AGFG1: variants seen among roughly 807,000 people sequenced by gnomAD.
AGFG1 encodes the protein arf-GAP domain and FG repeat-containing protein 1.
Under a neutral mutation model 60.6 loss-of-function variants are expected in AGFG1, and 10 were observed. The ratio of observed to expected loss-of-function variants is 0.16; its 90% CI spans 0.10 to 0.28. The LOEUF is 0.28. AGFG1 is among the 10% of genes least tolerant of loss of function. The pLI is 1.00. For synonymous variants in AGFG1, 247 were observed against 242.9 expected, an observed-to-expected ratio of 1.02 and a Z score of -0.16; for missense variants, 537 against 676.5, an observed-to-expected ratio of 0.79 and a Z score of 2.29.
At chr2:227,509,743 G>T (rs1392569022) in intron 2 of AGFG1, among the ~76,000 whole-genome samples, 1 of 147,246 alleles carries the variant, frequency 6.8e-6, no homozygotes, top group Non-Finnish European at 1.5e-5. Flanking sequence ...GAACTAAATT[G>T]TAATGTTTAA....
At position 227,556,239 on chromosome 2, in the gene AGFG1, C is replaced by T. The variant is rs1024631122; in HGVS notation, c.*1744C>T. The stretch of plus-strand genomic sequence containing the variant: ...CAAACATTTTATTCATGTTGAATGC[C>T]TTTTTGCAATGATGACTGAGTTGTT... On this transcript the variant is annotated 3_prime_UTR_variant, in exon 13 of 13. Coordinates refer to ENST00000310078, the MANE Select transcript of AGFG1 (RefSeq NM_004504.5). 3.3e-5 allele frequency: 5 copies of T among 152,074 alleles called. No individual in the cohort carries two copies. Among genetic ancestry groups the T allele is most frequent in the African/African-American group, 1.2e-4 (5 of 41,396 alleles). The allele number at this position is 152,074 out of a possible 1,614,324, so 9.4% of individuals were successfully genotyped here.
Position 227,536,657 on chromosome 2 carries a change from C to T in AGFG1, c.1238C>T (p.Ser413Phe). The T allele has an allele frequency of 1.2e-6, 2 of 1,613,612 alleles. No individual in the cohort carries two copies. The highest frequency in any genetic ancestry group is 1.7e-6 in the Non-Finnish European group (2 of 1,179,826). ...TTTGGAACAGTGCCAGTGGTTGCTT[C>T]TGCACAGACACAGCCTGCTTCATCA... ...NVFGTVPVVASAQTQPASSSV... is the reference protein window; with the variant it reads ...NVFGTVPVVAFAQTQPASSSV... Residue 413 changes from serine (S) to phenylalanine (F), a missense_variant, in exon 9 of 13, where the codon TCT becomes TTT. Ser to Phe is a radical substitution (Grantham distance 155). This residue lies in a region of AGFG1 where 287 missense variants were observed against 343.6 expected (regional missense o/e 0.84). Coordinates refer to ENST00000310078, the MANE Select transcript of AGFG1 (RefSeq NM_004504.5).
At chr2:227,476,655 AT>A (rs979444659) in intron 1 of AGFG1, among the ~76,000 whole-genome samples, 3 of 151,930 alleles carry the variant, frequency 2.0e-5, no homozygotes, top group African/African-American at 7.3e-5. Flanking sequence ...AAGAATTTTA[AT>A]TTTTTTTAGA....
At chr2:227,484,683 TTTTTG>T (rs1158009950) in intron 1 of AGFG1, among the ~76,000 whole-genome samples, 18 of 10,856 alleles carry the variant, frequency 1.7e-3, no homozygotes, top group Middle Eastern at 0.077. Flanking sequence ...CTTAGTTTTT[TTTTTG>T]TTTTTTTTTT....
chr2:227,539,292 A>C (rs1692408328), intron 10 of AGFG1, among the ~76,000 whole-genome samples: 1 of 151,902 alleles, frequency 6.6e-6, no homozygotes, highest in Non-Finnish European at 1.5e-5. Context: ...AAAATGCAAA[A>C]ATTAGCCAGG....
At chr2:227,502,357 G>T (rs1264393615) in intron 2 of AGFG1, among the ~76,000 whole-genome samples, 1 of 152,088 alleles carries the variant, frequency 6.6e-6, no homozygotes, top group African/African-American at 2.4e-5. Context: ...GTCTCACTCT[G>T]TTGCCCAGAC....
intron 5 of AGFG1, among the ~76,000 whole-genome samples, chr2:227,527,278 C>G (rs1692022873): frequency 6.6e-6 from 1 of 151,984 alleles, no homozygotes; most frequent in Non-Finnish European, 1.5e-5. Context: ...TGAGATGATG[C>G]ATTTAAGTGG....
chr2:227,489,084 G>A (rs142708598), intron 1 of AGFG1, among the ~76,000 whole-genome samples: 8,236 of 149,204 alleles, frequency 0.055, 293 homozygotes, highest in African/African-American at 0.092. Context: ...CAAAGTACTG[G>A]GATTACAGGC....
chr2:227,514,664 T>C lies in AGFG1; in HGVS notation c.262-5284T>C, dbSNP rs566040349. Among the ~76,000 whole-genome samples, 6 of 152,354 alleles carry C rather than the reference T, an allele frequency of 3.9e-5. No individual in the cohort carries two copies. In the South Asian group the frequency reaches 6.2e-4, roughly 16 times the overall value. Reference sequence around the variant, plus strand: ...CATACAGAGTTGGAATTCAAACTCATGCAGTCTGATTCCCTTGTCCAAGCT... The same window carrying C: ...CATACAGAGTTGGAATTCAAACTCACGCAGTCTGATTCCCTTGTCCAAGCT... On this transcript the variant is annotated intron_variant, in intron 2 of 12. Transcript: ENST00000310078.
At chr2:227,514,100 C>T (rs1398432872) in intron 2 of AGFG1, among the ~76,000 whole-genome samples, 4 of 152,184 alleles carry the variant, frequency 2.6e-5, no homozygotes, top group Admixed American at 6.5e-5. Flanking sequence ...CTACAGCTTC[C>T]TGTATTTTCC....
At chr2:227,517,290 G>A (rs989255485) in intron 2 of AGFG1, among the ~76,000 whole-genome samples, 4 of 152,118 alleles carry the variant, frequency 2.6e-5, no homozygotes, top group African/African-American at 7.2e-5. Flanking sequence ...AGACAGACAC[G>A]GAGTCTCACT....
At chr2:227,544,103 C>A (rs1386677520) in intron 10 of AGFG1, among the ~76,000 whole-genome samples, 1 of 150,112 alleles carries the variant, frequency 6.7e-6, no homozygotes, top group African/African-American at 2.5e-5. Context: ...GAATACAGCA[C>A]GCTGATAGGT....
rs1253623950 is a variant in AGFG1, at chr2:227,559,527, A to T, written c.*5032A>T. ...TTTGACATCTGTGCTTGTCCAACAC[A>T]GGGCTGTAGGGACTGATGAAAAGAG... On this transcript the variant is annotated 3_prime_UTR_variant, in exon 13 of 13. Coordinates refer to ENST00000310078, the MANE Select transcript of AGFG1 (RefSeq NM_004504.5). 1 of 152,196 alleles carries T rather than the reference A, an allele frequency of 6.6e-6. No homozygotes were observed. The highest frequency in any genetic ancestry group is 2.4e-5 in the African/African-American group (1 of 41,452). 9.4% of individuals were successfully genotyped at this position (152,196 alleles called of 1,614,324 possible). A position where few individuals can be genotyped will look rare whatever the true frequency, so the allele number is the denominator to read the frequency against.
At chr2:227,506,669 T>G (rs1334385296) in intron 2 of AGFG1, among the ~76,000 whole-genome samples, 1 of 152,024 alleles carries the variant, frequency 6.6e-6, no homozygotes, top group African/African-American at 2.4e-5. Context: ...GTCCAGAGTT[T>G]ATAGTTGTTA....
rs547926628 is a variant in AGFG1 at position 227,553,243 on chromosome 2, A to G, written c.1538-461A>G. On this transcript the variant is annotated intron_variant, in intron 11 of 12. Coordinates refer to ENST00000310078, the MANE Select transcript of AGFG1 (RefSeq NM_004504.5). ...CCAGGTGTGATGGCTCACGCCTATAATCCCAGCCCTTTGGGAGGCCAAGAC... is the reference window on the plus strand; with the variant it reads ...CCAGGTGTGATGGCTCACGCCTATAGTCCCAGCCCTTTGGGAGGCCAAGAC... 2.6e-5 allele frequency among the ~76,000 whole-genome samples: 4 copies of G among 152,286 alleles called. No homozygotes were observed. In the South Asian group the frequency reaches 8.3e-4, roughly 32 times the overall value.
chr2:227,546,454 C>T (rs1672766225), intron 10 of AGFG1, among the ~76,000 whole-genome samples: 2 of 152,212 alleles, frequency 1.3e-5, no homozygotes, highest in South Asian at 4.1e-4. Flanking sequence ...TGAGGTGATG[C>T]CCCGCCTTGC....
In AGFG1 at chr2:227,479,577, C is replaced by T. The variant is rs757082729; in HGVS notation, c.167+6989C>T. On this transcript the variant is annotated intron_variant, in intron 1 of 12. Transcript: ENST00000310078. ...CCTTATTTGATATTTTCCTTCTTTTCTGTGCAGCGTGCATGATGTTCACAT... is the reference window on the plus strand; with the variant it reads ...CCTTATTTGATATTTTCCTTCTTTTTTGTGCAGCGTGCATGATGTTCACAT... Among the ~76,000 whole-genome samples the T allele has an allele frequency of 1.5e-3, 230 of 152,214 alleles. 1 individual carries two copies. The highest frequency in any genetic ancestry group is 3.1e-4 in the Non-Finnish European group (21 of 68,002).
At chr2:227,546,278 GGA>G (rs1692643974) in intron 10 of AGFG1, among the ~76,000 whole-genome samples, 1 of 152,258 alleles carries the variant, frequency 6.6e-6, no homozygotes, top group Non-Finnish European at 1.5e-5. Context: ...CATGGGTGTG[GGA>G]CCTGCTGAGC....
chr2:227,552,934 GGAGGTTGTGGTGAGCC>G (rs1692863394), intron 11 of AGFG1, among the ~76,000 whole-genome samples: 2 of 149,914 alleles, frequency 1.3e-5, no homozygotes, highest in South Asian at 4.2e-4. Context: ...CCCGGGAGGC[GGAGGTTGTGGTGAGCC>G]GAGATCGCCA....
Sources: allele counts gnomAD v4.1 joint callset (sites outside exome capture counted in the v4.1 genomes callset), GRCh38; gene constraint gnomAD v4.1.1; regional missense constraint gnomAD v4.1.1; transcripts MANE v1.5; gene names NCBI Gene and HGNC (gene_info 2026-07-23, HGNC 2026-07-21).